The following ZFHX3 variants were observed in gnomAD, a reference collection of about 807,000 sequenced individuals.
ZFHX3 encodes zinc finger homeobox 3, also known as zinc finger homeobox protein 3.
ZFHX3 carries 42 observed loss-of-function variants against 279.1 expected under a neutral mutation model. The ratio of observed to expected loss-of-function variants is 0.15; its 90% confidence interval spans 0.12 to 0.19. The LOEUF (loss-of-function observed/expected upper bound fraction) is 0.19. ZFHX3 is among the 10% of genes least tolerant of loss of function. ZFHX3 has a pLI of 1.00. For missense variants in ZFHX3, 4,981 were observed against 4,754.0 expected, an observed-to-expected ratio of 1.05 and a Z score of -1.40; for synonymous variants, 2,293 against 1,957.8, an observed-to-expected ratio of 1.17 and a Z score of -4.52.
At chr16:73,169,841 C>T (rs2031435982) in intron 5 of ZFHX3, among the ~76,000 whole-genome samples, 1 of 152,090 alleles carries the variant, frequency 6.6e-6, no homozygotes, top group South Asian at 2.1e-4. Context: ...TAGATCAAAG[C>T]TGTTTTTTCT....
intron 3 of ZFHX3, among the ~76,000 whole-genome samples, chr16:73,372,645 G>A (rs891300335): frequency 6.6e-6 from 1 of 152,194 alleles, no homozygotes; most frequent in Non-Finnish European, 1.5e-5. Context: ...AAATTTCAGC[G>A]ATGATTTTCT....
At chr16:73,325,603 T>G (rs1052244403) in intron 3 of ZFHX3, among the ~76,000 whole-genome samples, 3 of 152,110 alleles carry the variant, frequency 2.0e-5, no homozygotes, top group African/African-American at 7.2e-5. Context: ...TAGAGGAGAA[T>G]GGGTATTGGT....
intron 2 of ZFHX3, among the ~76,000 whole-genome samples, chr16:73,654,167 G>A (rs2052698977): frequency 6.9e-6 from 1 of 144,354 alleles, no homozygotes; most frequent in Non-Finnish European, 1.5e-5. Flanking sequence ...CTGGGTGACA[G>A]AGCGAGACTC....
intron 1 of ZFHX3, among the ~76,000 whole-genome samples, chr16:73,787,854 A>AG (rs1597115830): frequency 7.4e-5 from 9 of 122,238 alleles, no homozygotes; most frequent in East Asian, 5.1e-4. Context: ...TGTGTGTGTG[A>AG]AAGAGAGAGA....
chr16:73,009,647 A>G (rs769225862), intron 1 of ZFHX3, among the ~76,000 whole-genome samples: 1 of 152,168 alleles, frequency 6.6e-6, no homozygotes, highest in Non-Finnish European at 1.5e-5. Flanking sequence ...ATCATGGGCT[A>G]ATTGCTGGCT....
chr16:73,453,561 G>C lies in ZFHX3; in HGVS notation c.-1291+2442C>G, dbSNP rs923883538. Among the ~76,000 whole-genome samples, 4 of 152,174 alleles carry C rather than the reference G, an allele frequency of 2.6e-5. No individual in the cohort carries two copies. In the East Asian group the frequency reaches 7.7e-4, roughly 29 times the overall value. On this transcript the variant is annotated intron_variant, in intron 3 of 17. Coordinates refer to the ZFHX3 transcript ENST00000641206. ...CACCTTCAGCTGTTTTAACCATCCT[G>C]GCCCAGGAGCCAGACATGCAAATGA... is the stretch of plus-strand genomic sequence containing the variant.
At chr16:72,805,445 C>A (rs987538719) in intron 7 of ZFHX3, among the ~76,000 whole-genome samples, 3 of 152,174 alleles carry the variant, frequency 2.0e-5, no homozygotes, top group African/African-American at 7.2e-5. Flanking sequence ...TGCCTCAAAT[C>A]CTTTACTTTT....
chr16:73,002,392 T>C (rs1041336246), intron 1 of ZFHX3, among the ~76,000 whole-genome samples: 3 of 152,142 alleles, frequency 2.0e-5, no homozygotes, highest in Admixed American at 1.3e-4. Flanking sequence ...AGTGACGAGA[T>C]AGAGAAGGTA....
intron 4 of ZFHX3, among the ~76,000 whole-genome samples, chr16:72,869,552 G>A (rs2038104445): frequency 6.6e-6 from 1 of 151,320 alleles, no homozygotes; most frequent in Non-Finnish European, 1.5e-5. Flanking sequence ...TTCCTCGTTT[G>A]ACACCATGAG....
intron 5 of ZFHX3, among the ~76,000 whole-genome samples, chr16:73,192,245 C>T (rs560402915): frequency 2.0e-5 from 3 of 152,252 alleles, no homozygotes; most frequent in African/African-American, 7.2e-5. Context: ...CCTCCCTGCC[C>T]CTCTGCGTCT....
At chr16:73,830,214 C>G (rs1960952699) in intron 1 of ZFHX3, among the ~76,000 whole-genome samples, 1 of 138,092 alleles carries the variant, frequency 7.2e-6, no homozygotes, top group South Asian at 2.6e-4. Context: ...AGGGAACTCC[C>G]TGACCCCTTG....
chr16:73,401,776 C>A (rs1192206153), intron 3 of ZFHX3: 1 of 152,176 alleles, frequency 6.6e-6, no homozygotes, highest in Non-Finnish European at 1.5e-5. Context: ...TATCATTCTG[C>A]ATAGATAATT....
chr16:73,020,117 A>G (rs1964249075), intron 1 of ZFHX3, among the ~76,000 whole-genome samples: 1 of 152,218 alleles, frequency 6.6e-6, no homozygotes, highest in Admixed American at 6.5e-5. Context: ...AGGAAGCACC[A>G]TGACTGTGGG....
intron 1 of ZFHX3, among the ~76,000 whole-genome samples, chr16:73,688,619 A>C (rs974112015): frequency 3.3e-5 from 5 of 152,168 alleles, no homozygotes; most frequent in Non-Finnish European, 5.9e-5. Context: ...CCAGACCCTA[A>C]AACTGTAAGC....
At position 73,537,314 on chromosome 16, in the gene ZFHX3, CTTTTT is replaced by C. The variant is rs3051948; in HGVS notation, c.-1546-81061_-1546-81057del. Among the ~76,000 whole-genome samples the C allele has an allele frequency of 4.4e-4, 34 of 77,624 alleles. No individual in the cohort carries two copies. The South Asian group carries it at 0.017, about 39-fold the overall frequency. The allele number at this position is 77,624 out of a possible 152,430, so 50.9% of individuals were successfully genotyped here. On this transcript the variant is annotated intron_variant, in intron 2 of 17. Coordinates refer to the ZFHX3 transcript ENST00000641206. ...AATCTAAAGTCACTTCTTTCTTCTT[CTTTTT>C]TTTTTTTTTTTTTTTTTTTTTTAGT...
chr16:73,434,490 A>G (rs2017963367), intron 3 of ZFHX3, among the ~76,000 whole-genome samples: 1 of 152,218 alleles, frequency 6.6e-6, no homozygotes, highest in Admixed American at 6.5e-5. Flanking sequence ...TGAATAACTG[A>G]GGCAAAAACA....
rs760103457 is a variant in ZFHX3, at chr16:72,796,861, T to C, written c.5821A>G (p.Arg1941Gly). ...MLPPRIASDA[R>G]GNATKALLEN... ...AGCAGGGCCTTGGTGGCGTTCCCTC[T>C]GGCATCTGAAGCAATGCGTGGAGGG... The change falls in exon 9 of 10, where the codon AGA becomes GGA. Residue 1941 changes from arginine (R) to glycine (G), a missense_variant. Physicochemically the swap from Arg to Gly is moderately radical, Grantham distance 125 (BLOSUM62 -2). This residue lies in a region of ZFHX3 where 1,751 missense variants were observed against 1,770.0 expected (regional missense o/e 0.99). Transcript: ENST00000268489. The C allele has an allele frequency of 9.3e-6, 15 of 1,613,562 alleles. No individual in the cohort carries two copies. The highest frequency in any genetic ancestry group is 1.1e-5 in the Non-Finnish European group (13 of 1,179,940).
chr16:73,426,223 G>A (rs1301657959), intron 3 of ZFHX3, among the ~76,000 whole-genome samples: 1 of 152,184 alleles, frequency 6.6e-6, no homozygotes, highest in Non-Finnish European at 1.5e-5. Flanking sequence ...ACTGGGAGGT[G>A]CTCTTTCTGC....
chr16:73,787,852 T>TGTGTGAGA (rs766922630), intron 1 of ZFHX3, among the ~76,000 whole-genome samples: 2 of 132,450 alleles, frequency 1.5e-5, no homozygotes, highest in East Asian at 2.5e-4. Flanking sequence ...TGTGTGTGTG[T>TGTGTGAGA]GAAAGAGAGA....
Sources: allele counts gnomAD v4.1 joint callset (sites outside exome capture counted in the v4.1 genomes callset), GRCh38; gene constraint gnomAD v4.1.1; regional missense constraint gnomAD v4.1.1; transcripts MANE v1.5; gene names NCBI Gene and HGNC (gene_info 2026-07-23, HGNC 2026-07-21).